The following PTPRU variants were observed in gnomAD, a reference collection of about 807,000 sequenced individuals.
The protein encoded by PTPRU is receptor-type tyrosine-protein phosphatase U.
Under a neutral mutation model 166.3 loss-of-function variants are expected in PTPRU, and 69 were observed. The ratio of observed to expected loss-of-function variants is 0.41; its 90% CI spans 0.34 to 0.51. The LOEUF (loss-of-function observed/expected upper bound fraction) is 0.51, where lower values mean the gene tolerates loss of function less well. Ranked by LOEUF, PTPRU falls within the 20% of genes least tolerant of loss-of-function variation. The pLI is 0.09. For synonymous variants in PTPRU, 793 were observed against 814.0 expected, an observed-to-expected ratio of 0.97 and a Z score of 0.44; for missense variants, 1,657 against 2,013.7, an observed-to-expected ratio of 0.82 and a Z score of 3.39.
chr1:29,323,814 G>A lies in PTPRU; in HGVS notation c.4112+26G>A, dbSNP rs545452060. 1.8e-4 allele frequency: 287 copies of A among 1,612,054 alleles called. 1 individual carries two copies. The highest frequency in any genetic ancestry group is 7.2e-5 in the Non-Finnish European group (85 of 1,178,704). ...GTGAGTACCTGCCCTGTGGGAGGGC[G>A]GGTGGAGGGGTTGGGGAGCCAGGGG... On this transcript the variant is annotated intron_variant, in intron 28 of 29. Transcript: ENST00000373779.
chr1:29,289,617 C>T (rs113074691), intron 14 of PTPRU: 1 of 1,604,748 alleles, frequency 6.2e-7, no homozygotes, highest in East Asian at 2.2e-5. Context: ...TGGGCATTGC[C>T]TCAGCCCGGC....
intron 5 of PTPRU, 144 bp downstream of exon 5, chr1:29,259,708 T>C (rs1159795813): frequency 1.1e-5 from 14 of 1,253,046 alleles, no homozygotes; most frequent in Admixed American, 2.7e-5. Context: ...CTAGCTCTGC[T>C]CTGCGCTTTC....
At position 29,316,136 on chromosome 1, in the gene PTPRU, G is replaced by T; in HGVS notation, c.3498G>T (p.Leu1166=). ...RIDPQSNSSQ[L]REEFQTLNSV... ...ATCCTCAGAGTAATTCCTCCCAGCT[G>T]CGGGAAGAGTTCCAGGTGGGGGATG... The change falls in exon 24 of 30, where the codon CTG becomes CTT. Residue 1166 remains leucine (L), a synonymous_variant. Coordinates refer to ENST00000373779, the MANE Select transcript of PTPRU (RefSeq NM_133178.4). 2 of 1,614,142 alleles carry T rather than the reference G, an allele frequency of 1.2e-6. No individual in the cohort carries two copies. Among genetic ancestry groups the T allele is most frequent in the Non-Finnish European group, 8.5e-7 (1 of 1,180,038 alleles).
In PTPRU at chr1:29,282,600, A is replaced by G. The variant is rs561969015; in HGVS notation, c.1869-76A>G. 1,083 of 1,514,426 alleles carry G rather than the reference A, an allele frequency of 7.2e-4. 19 individuals carry two copies. In the South Asian group the frequency reaches 0.013, roughly 18 times the overall value. 93.8% of individuals were successfully genotyped at this position (1,514,426 alleles called of 1,614,324 possible). The stretch of plus-strand genomic sequence containing the variant: ...CCAGGAGGGCTTGACCACAAAGCCC[A>G]TGCCTTTAACTGCCAGCTGGCTCTC... On this transcript the variant is annotated intron_variant, in intron 11 of 29. Coordinates refer to ENST00000373779, the MANE Select transcript of PTPRU (RefSeq NM_133178.4).
rs1685962062 is a variant in PTPRU, at chr1:29,279,507, C to A, written c.1615C>A (p.Pro539Thr). Residue 539 changes from proline (P) to threonine (T), a missense_variant, in exon 10 of 30, where the codon CCA becomes ACA. Pro to Thr is a conservative substitution (Grantham distance 38, BLOSUM62 -1). Coordinates refer to ENST00000373779, the MANE Select transcript of PTPRU (RefSeq NM_133178.4). The surrounding 1 kb of genome is among the most constrained non-coding windows in gnomAD (Gnocchi z 5.2). ...SSDPAVNVPG[P>T]RRTISKLRNE... The stretch of plus-strand genomic sequence containing the variant: ...AGACCCGGCAGTGAACGTGCCAGGC[C>A]CACGACGTACCATCTCCAAGCTCCG... 1.2e-6 allele frequency: 2 copies of A among 1,614,190 alleles called. No individual in the cohort carries two copies. The highest frequency in any genetic ancestry group is 1.7e-5 in the Admixed American group (1 of 60,032).
At chr1:29,272,537 T>C (rs943903088) in intron 7 of PTPRU, among the ~76,000 whole-genome samples, 5 of 152,206 alleles carry the variant, frequency 3.3e-5, no homozygotes, top group Non-Finnish European at 7.3e-5. Flanking sequence ...ACTCCCAAGA[T>C]AGGAGCAGCC....
In PTPRU at chr1:29,255,283, A is replaced by G; in HGVS notation, c.82A>G (p.Thr28Ala). Residue 28 changes from threonine (T) to alanine (A), a missense_variant, in exon 2 of 30, where the codon ACC becomes GCC. Thr to Ala is a moderately conservative substitution (Grantham distance 58). Around this residue, in one of 3 missense-constraint regions of PTPRU, gnomAD observed 453 missense variants for 496.9 expected, o/e 0.91. Transcript: ENST00000373779. ...PETETPAAGCTFEEASDPAVP... is the reference protein window; with the variant it reads ...PETETPAAGCAFEEASDPAVP... ...AGGCCCTGCTCTCACAGCTGGCTGC[A>G]CCTTCGAGGAGGCAAGTGACCCAGC... 6.2e-7 allele frequency: 1 copy of G among 1,613,508 alleles called. No homozygotes were observed. The highest frequency in any genetic ancestry group is 8.5e-7 in the Non-Finnish European group (1 of 1,179,612).
chr1:29,284,684 G>A (rs1163122026), intron 13 of PTPRU, 47 bp from the exon 14 acceptor site: 2 of 1,613,722 alleles, frequency 1.2e-6, no homozygotes, highest in Non-Finnish European at 8.5e-7. Flanking sequence ...GGGGCTCGAT[G>A]GTCCCTGTCT....
chr1:29,305,596 G>A, intron 18 of PTPRU, 168 bp downstream of exon 18: 1 of 796,688 alleles, frequency 1.3e-6, no homozygotes, highest in Non-Finnish European at 2.2e-6. Flanking sequence ...GGAGGACAGT[G>A]AGCAGCAGCT....
chr1:29,260,186 T>A lies in PTPRU; in HGVS notation c.850+142T>A. On this transcript the variant is annotated intron_variant, in intron 6 of 29. Transcript: ENST00000373779. The surrounding 1 kb of genome is among the most constrained non-coding windows in gnomAD (Gnocchi z 8.3). ...CTGGGGCGCTATCTGAAGATGGGCC[T>A]GTGGAAATGGCAGTGGCCCAGCCGG... is the stretch of plus-strand genomic sequence containing the variant. The A allele has an allele frequency of 9.9e-7, 1 of 1,005,400 alleles. No homozygotes were observed. Among genetic ancestry groups the A allele is most frequent in the Non-Finnish European group, 1.3e-6 (1 of 751,714 alleles). 62.3% of individuals were successfully genotyped at this position (1,005,400 alleles called of 1,614,324 possible). A position where few individuals can be genotyped will look rare whatever the true frequency, so the allele number is the denominator to read the frequency against.
chr1:29,244,679 G>A (rs963296916), intron 1 of PTPRU, among the ~76,000 whole-genome samples: 1 of 152,120 alleles, frequency 6.6e-6, no homozygotes, highest in African/African-American at 2.4e-5. Context: ...ACTTCTAGCT[G>A]TGTGATACTT....
chr1:29,246,544 G>C (rs948387467), intron 1 of PTPRU, among the ~76,000 whole-genome samples: 1 of 152,196 alleles, frequency 6.6e-6, no homozygotes, highest in Non-Finnish European at 1.5e-5. Flanking sequence ...CCTGTTCACT[G>C]TTGGGTTGTG....
rs749351848 is a variant in PTPRU at position 29,259,509 on chromosome 1, C to G, written c.620C>G (p.Ser207Trp). The G allele has an allele frequency of 4.4e-6, 7 of 1,577,808 alleles. No homozygotes were observed. Among genetic ancestry groups the G allele is most frequent in the Non-Finnish European group, 6.0e-6 (7 of 1,158,152 alleles). Reference sequence around the variant, plus strand: ...GAGGTCAACGCGGGCCAGAACGCGTCGTTCCAGTGCATGGCCGCGGGCAGA... The same window carrying G: ...GAGGTCAACGCGGGCCAGAACGCGTGGTTCCAGTGCATGGCCGCGGGCAGA... The part of the protein sequence containing the change: ...DVEVNAGQNA[S>W]FQCMAAGRAA... Residue 207 changes from serine to tryptophan, a missense_variant, in exon 5 of 30, where the codon TCG (serine) becomes TGG (tryptophan). Around this residue, in one of 3 missense-constraint regions of PTPRU, gnomAD observed 453 missense variants for 496.9 expected, o/e 0.91. Transcript: ENST00000373779.
At position 29,325,999 on chromosome 1, in the gene PTPRU, G is replaced by GC; in HGVS notation, c.*339dup. On this transcript the variant is annotated 3_prime_UTR_variant, in exon 30 of 30. Coordinates refer to ENST00000373779, the MANE Select transcript of PTPRU (RefSeq NM_133178.4). ...TGGGGGACTCAGGCCAAGCCCCTTG[G>GC]CACCATCCTGGCTTTTGGCAGGGAT... 2.3e-6 allele frequency: 1 copy of GC among 425,804 alleles called. No individual in the cohort carries two copies. Among genetic ancestry groups the GC allele is most frequent in the Non-Finnish European group, 4.1e-6 (1 of 244,270 alleles). 26.4% of individuals were successfully genotyped at this position (425,804 alleles called of 1,614,324 possible).
At chr1:29,259,390 C>T (rs1173733041) in intron 4 of PTPRU, 48 bp downstream of exon 4, 1 of 1,609,216 alleles carries the variant, frequency 6.2e-7, no homozygotes. Flanking sequence ...TGTGGGCGGC[C>T]GCGGCTCCTG....
In PTPRU at chr1:29,291,767, T is replaced by C; in HGVS notation, c.2319-102T>C. On this transcript the variant is annotated intron_variant, in intron 14 of 29. Coordinates refer to ENST00000373779, the MANE Select transcript of PTPRU (RefSeq NM_133178.4). This position sits in a 1 kb window ranked among gnomAD's most constrained non-coding sequence, Gnocchi z 4.1. Reference sequence around the variant, plus strand: ...AGATGCTTCTAGGACAGCTGCTGGCTCCTGGCCTTGAGGTCCCCTTACTCC... The same window carrying C: ...AGATGCTTCTAGGACAGCTGCTGGCCCCTGGCCTTGAGGTCCCCTTACTCC... 8.0e-7 allele frequency: 1 copy of C among 1,253,666 alleles called. No homozygotes were observed. 77.7% of individuals were successfully genotyped at this position (1,253,666 alleles called of 1,614,324 possible). A position where few individuals can be genotyped will look rare whatever the true frequency, so the allele number is the denominator to read the frequency against.
chr1:29,275,042 T>C (rs1207471689), intron 7 of PTPRU, among the ~76,000 whole-genome samples: 4 of 145,540 alleles, frequency 2.7e-5, no homozygotes, highest in African/African-American at 7.8e-5. Flanking sequence ...AGAGTGAGCC[T>C]CTGTCAAAAA....
intron 26 of PTPRU, among the ~76,000 whole-genome samples, chr1:29,322,565 C>T (rs1291152528): frequency 6.6e-6 from 1 of 152,076 alleles, no homozygotes; most frequent in Non-Finnish European, 1.5e-5. Flanking sequence ...CACAGGGTTG[C>T]CAGGACCTGA....
At position 29,268,567 on chromosome 1, in the gene PTPRU, A is replaced by G. The variant is rs143944369; in HGVS notation, c.1145-6881A>G. 3.9e-5 allele frequency among the ~76,000 whole-genome samples: 6 copies of G among 152,346 alleles called. No homozygotes were observed. In the East Asian group the frequency reaches 1.2e-3, roughly 29 times the overall value. ...TTAGATTTTTAGGGAATAAATGTAG[A>G]TGGAAGAAAGAGGAGTTGGAAAGCC... On this transcript the variant is annotated intron_variant, in intron 7 of 29. Transcript: ENST00000373779.
Sources: allele counts gnomAD v4.1 joint callset (sites outside exome capture counted in the v4.1 genomes callset), GRCh38; gene constraint gnomAD v4.1.1; regional missense constraint gnomAD v4.1.1; non-coding constraint Gnocchi (gnomAD v3.1); transcripts MANE v1.5; gene names NCBI Gene and HGNC (gene_info 2026-07-23, HGNC 2026-07-21).